The following TNC variants were observed in gnomAD, a reference collection of about 807,000 sequenced individuals.
TNC encodes the protein tenascin.
A neutral mutation model predicts 202.4 loss-of-function variants in TNC; 109 were observed. The observed-to-expected ratio is 0.54, with a 90% CI of 0.46 to 0.63. The LOEUF is 0.63. Among genes scored for constraint, TNC ranks in the 30% least tolerant of loss-of-function variants. The pLI, the probability that TNC is intolerant of heterozygous loss-of-function variation, is 0.00. For missense variants in TNC, 2,756 were observed against 2,833.3 expected (o/e 0.97, Z 0.62); for synonymous variants, 1,007 against 1,089.7 (o/e 0.92, Z 1.50).
chr9:115,049,067 G>A (rs1294504493), intron 15 of TNC, among the ~76,000 whole-genome samples: 3 of 87,294 alleles, frequency 3.4e-5, no homozygotes, highest in African/African-American at 1.3e-4. Flanking sequence ...AAAGGGAGGA[G>A]GTAAGTTTTT....
At position 115,035,688 on chromosome 9, in the gene TNC, C is replaced by T. The variant is rs144751737; in HGVS notation, c.5657-354G>A. 391 of 259,272 alleles carry T rather than the reference C, an allele frequency of 1.5e-3. 1 individual carries two copies. Among genetic ancestry groups the T allele is most frequent in the Middle Eastern group, 8.7e-3 (7 of 802 alleles). 16.1% of individuals were successfully genotyped at this position (259,272 alleles called of 1,614,324 possible). A position where few individuals can be genotyped will look rare whatever the true frequency, so the allele number is the denominator to read the frequency against. ...ACAGAGAGGATGGTTCCTCTGTTTC[C>T]CTGCTTGCTATAGTTTGTAAAAAGC... On this transcript the variant is annotated intron_variant, in intron 21 of 27. Coordinates refer to ENST00000350763, the MANE Select transcript of TNC (RefSeq NM_002160.4).
intron 1 of TNC, among the ~76,000 whole-genome samples, chr9:115,098,060 C>CA (rs922853657): frequency 3.3e-5 from 5 of 152,178 alleles, no homozygotes; most frequent in Non-Finnish European, 7.4e-5. Flanking sequence ...CAGCCCGCTA[C>CA]AAAAAATAAG....
chr9:115,055,012 G>T (rs1002210585), intron 15 of TNC, among the ~76,000 whole-genome samples: 5 of 152,156 alleles, frequency 3.3e-5, no homozygotes, highest in Admixed American at 6.5e-5. Context: ...CATGCTCAGG[G>T]CACCTTTATT....
At chr9:115,038,636 C>T (rs1456392254) in intron 19 of TNC, among the ~76,000 whole-genome samples, 1 of 152,154 alleles carries the variant, frequency 6.6e-6, no homozygotes, top group Non-Finnish European at 1.5e-5. Context: ...GTTTCATCTT[C>T]AGTGTTATTT....
Position 115,063,009 on chromosome 9 carries a change from G to T in TNC, c.3941C>A (p.Pro1314Gln). The T allele has an allele frequency of 6.2e-7, 1 of 1,614,070 alleles. No individual in the cohort carries two copies. The highest frequency in any genetic ancestry group is 2.2e-5 in the East Asian group (1 of 44,880). The change falls in exon 13 of 28, where the codon CCA (proline) becomes CAA (glutamine). Residue 1314 changes from proline to glutamine, a missense_variant. By Grantham distance (76) the Pro-to-Gln change is moderately conservative. Transcript: ENST00000350763. ...GTAAGGAGTGCCAGCCCTGAGGCCTGGGATTTCCATGGAACGCAGGCTGCC... is the reference window on the plus strand; with the variant it reads ...GTAAGGAGTGCCAGCCCTGAGGCCTTGGATTTCCATGGAACGCAGGCTGCC... ...VPGSLRSMEIPGLRAGTPYTV... is the reference protein window; with the variant it reads ...VPGSLRSMEIQGLRAGTPYTV...
intron 14 of TNC, among the ~76,000 whole-genome samples, chr9:115,057,655 T>C (rs566971211): frequency 6.6e-6 from 1 of 152,368 alleles, no homozygotes; most frequent in South Asian, 2.1e-4. Flanking sequence ...TTTCTCTACA[T>C]GCAGTTGCCA....
intron 10 of TNC, among the ~76,000 whole-genome samples, chr9:115,069,619 T>C (rs141366160): frequency 0.54 from 3,313 of 6,190 alleles, 665 homozygotes; most frequent in African/African-American, 0.55. Flanking sequence ...TCCCTCCCTC[T>C]CTCCCTCCCT....
chr9:115,093,012 TAAG>T (rs1219556823), intron 1 of TNC, among the ~76,000 whole-genome samples: 1 of 152,236 alleles, frequency 6.6e-6, no homozygotes, highest in Non-Finnish European at 1.5e-5. Flanking sequence ...ATTCAGCCTA[TAAG>T]AAGGTTTCTA....
rs934688713 is a variant in TNC at position 115,042,350 on chromosome 9, A to T, written c.5126-9T>A. The T allele has an allele frequency of 1.2e-6, 2 of 1,613,756 alleles. No homozygotes were observed. Among genetic ancestry groups the T allele is most frequent in the Non-Finnish European group, 8.5e-7 (1 of 1,179,816 alleles). ...CTTTGGGGAGCCCATGGCTGTCAAG[A>T]AGAAAGCACAAGAGAAGCCCAGAAA... is the stretch of plus-strand genomic sequence containing the variant. On this transcript the variant is annotated splice_polypyrimidine_tract_variant and intron_variant, in intron 17 of 27. Coordinates refer to ENST00000350763, the MANE Select transcript of TNC (RefSeq NM_002160.4).
At chr9:115,077,869 C>A (rs988322507) in intron 7 of TNC, 74 bp downstream of exon 7, 10 of 1,494,076 alleles carry the variant, frequency 6.7e-6, no homozygotes, top group Non-Finnish European at 9.1e-6. Context: ...CTGGAAGATA[C>A]CCCAACATGG....
chr9:115,051,055 C>A (rs995911778), intron 15 of TNC, among the ~76,000 whole-genome samples: 1 of 152,022 alleles, frequency 6.6e-6, no homozygotes, highest in African/African-American at 2.4e-5. Context: ...TGGCAAAGTC[C>A]GTCTTCTGAA....
In TNC at chr9:115,026,534, C is replaced by T; in HGVS notation, c.6331G>A (p.Gly2111Ser). 1.2e-6 allele frequency: 2 copies of T among 1,614,046 alleles called. No individual in the cohort carries two copies. The highest frequency in any genetic ancestry group is 8.5e-7 in the Non-Finnish European group (1 of 1,179,964). The change falls in exon 26 of 28, where the codon GGT becomes AGT. Residue 2111 changes from glycine (G) to serine (S), a missense_variant and splice_region_variant. Around this residue, in one of 2 missense-constraint regions of TNC, gnomAD observed 197 missense variants for 287.3 expected, o/e 0.69. Transcript: ENST00000350763. Reference sequence around the variant, plus strand: ...GCTCTACGTGCAGCCACTACTGTACCTGCTGTCCCACTGTACCCCTCCACC... The same window carrying T: ...GCTCTACGTGCAGCCACTACTGTACTTGCTGTCCCACTGTACCCCTCCACC... The part of the protein sequence containing the change: ...LKVEGYSGTA[G>S]DSMAYHNGRS...
intron 1 of TNC, among the ~76,000 whole-genome samples, chr9:115,095,948 C>T (rs1180064425): frequency 1.3e-5 from 2 of 152,048 alleles, no homozygotes; most frequent in Admixed American, 1.3e-4. Flanking sequence ...GCACAAAACG[C>T]AGATTTTTGG....
At chr9:115,077,509 A>T (rs1349013902) in intron 7 of TNC, among the ~76,000 whole-genome samples, 1 of 152,242 alleles carries the variant, frequency 6.6e-6, no homozygotes, top group Non-Finnish European at 1.5e-5. Context: ...TATTTCTAAT[A>T]ACTCACAAAG....
intron 5 of TNC, 107 bp from the exon 6 acceptor site, chr9:115,082,035 A>T (rs1834345828): frequency 9.1e-7 from 1 of 1,096,314 alleles, no homozygotes; most frequent in Non-Finnish European, 1.3e-6. Flanking sequence ...TCTTTCATCG[A>T]TTCATTAGGC....
In TNC at chr9:115,090,931, G is replaced by C; in HGVS notation, c.88C>G (p.Arg30Gly). ...TTCACCCCACTCTGTCGCTTGTGCC[G>C]GATGACTTTCTTGAGGACCCCACCT... ...TEGGVLKKVI[R>G]HKRQSGVNAT... Residue 30 changes from arginine to glycine, a missense_variant, in exon 2 of 28, where the codon CGG becomes GGG. Physicochemically the swap from Arg to Gly is moderately radical, Grantham distance 125. Transcript: ENST00000350763. 6.2e-7 allele frequency: 1 copy of C among 1,614,074 alleles called. No homozygotes were observed. Among genetic ancestry groups the C allele is most frequent in the African/African-American group, 1.3e-5 (1 of 74,990 alleles).
chr9:115,110,470 A>G (rs1836954360), intron 1 of TNC, among the ~76,000 whole-genome samples: 1 of 152,072 alleles, frequency 6.6e-6, no homozygotes, highest in African/African-American at 2.4e-5. Context: ...GTGAGATGCT[A>G]AGATCTGAAC....
intron 15 of TNC, among the ~76,000 whole-genome samples, chr9:115,050,966 A>T (rs1179071004): frequency 6.6e-6 from 1 of 152,200 alleles, no homozygotes; most frequent in Non-Finnish European, 1.5e-5. Context: ...ATAATTAAAT[A>T]TTTAATTGTA....
Position 115,048,415 on chromosome 9 carries a change from G to C in TNC, c.4697C>G (p.Ser1566Cys). The C allele has an allele frequency of 6.2e-7, 1 of 1,614,008 alleles. No homozygotes were observed. The highest frequency in any genetic ancestry group is 8.5e-7 in the Non-Finnish European group (1 of 1,179,948). ...FDSFLVTVVD[S>C]GKLLDPQEFT... ...TTCCTGGGGGTCCAGCAGCTTCCCAGAATCCACCACCGTTACTAGAAAGCT... is the reference window on the plus strand; with the variant it reads ...TTCCTGGGGGTCCAGCAGCTTCCCACAATCCACCACCGTTACTAGAAAGCT... Residue 1566 changes from serine (S) to cysteine (C), a missense_variant, in exon 16 of 28, where the codon TCT (serine) becomes TGT (cysteine). Coordinates refer to ENST00000350763, the MANE Select transcript of TNC (RefSeq NM_002160.4).
Sources: gnomAD v4.1 joint callset for allele counts (sites outside exome capture counted in the v4.1 genomes callset) on GRCh38, gnomAD v4.1.1 for gene constraint, gnomAD v4.1.1 regional missense constraint, MANE v1.5 for transcripts, NCBI Gene and HGNC (gene_info 2026-07-23, HGNC 2026-07-21) for gene names.